The following CDH18 variants were observed in gnomAD, a reference collection of about 807,000 sequenced individuals.
CDH18 encodes cadherin-18.
In CDH18, 31 loss-of-function variants were observed where a neutral mutation model predicts 67.9. That is an observed-to-expected ratio of 0.46 (90% CI 0.34 to 0.62). The LOEUF (loss-of-function observed/expected upper bound fraction) is 0.62. Among genes scored for constraint, CDH18 ranks in the 20% least tolerant of loss-of-function variants. The pLI, the probability that CDH18 is intolerant of heterozygous loss-of-function variation, is 0.01. For synonymous variants in CDH18, 362 were observed against 347.2 expected (o/e 1.04, Z -0.48); for missense variants, 890 against 975.5 (o/e 0.91, Z 1.17).
intron 1 of CDH18, among the ~76,000 whole-genome samples, chr5:20,341,308 C>T (rs1003409608): frequency 5.9e-5 from 9 of 151,962 alleles, no homozygotes; most frequent in African/African-American, 2.2e-4. Context: ...GGTGGAAAAA[C>T]GTAAAGAGAT....
At chr5:20,085,017 G>T (rs1308647455) in intron 2 of CDH18, among the ~76,000 whole-genome samples, 3 of 152,206 alleles carry the variant, frequency 2.0e-5, no homozygotes, top group Non-Finnish European at 4.4e-5. Context: ...AATTTCTGCA[G>T]CTGGCTTGAG....
chr5:20,457,973 T>C (rs531076102), intron 1 of CDH18, among the ~76,000 whole-genome samples: 1 of 152,176 alleles, frequency 6.6e-6, no homozygotes, highest in Non-Finnish European at 1.5e-5. Context: ...TCCCATTCAG[T>C]TGACTAAGAA....
At chr5:19,483,267 C>T (rs1167508434) in intron 12 of CDH18, 34 bp downstream of exon 12, 1 of 1,578,274 alleles carries the variant, frequency 6.3e-7, no homozygotes, top group Non-Finnish European at 8.6e-7. Context: ...TTCAGAATTG[C>T]CATCATGCAA....
chr5:19,714,532 A>G (rs1172588736), intron 5 of CDH18, among the ~76,000 whole-genome samples: 1 of 151,376 alleles, frequency 6.6e-6, no homozygotes, highest in Non-Finnish European at 1.5e-5. Flanking sequence ...TTTTTCAGTA[A>G]ATGGAACCTA....
intron 2 of CDH18, among the ~76,000 whole-genome samples, chr5:19,941,486 T>C (rs2150232535): frequency 6.6e-6 from 1 of 152,090 alleles, no homozygotes. Context: ...AATTATGTTT[T>C]AAGAACTTCC....
At chr5:20,137,648 C>A (rs1464889281) in intron 2 of CDH18, among the ~76,000 whole-genome samples, 1 of 152,050 alleles carries the variant, frequency 6.6e-6, no homozygotes. Flanking sequence ...CTGCATTCCT[C>A]TGGAGGAGAA....
intron 2 of CDH18, among the ~76,000 whole-genome samples, chr5:20,139,780 A>C (rs1750076514): frequency 1.3e-5 from 2 of 152,194 alleles, no homozygotes; most frequent in African/African-American, 2.4e-5. Flanking sequence ...ACCATCTCAC[A>C]CCAGTTAGAA....
chr5:19,921,363 C>T (rs569689215), intron 2 of CDH18, among the ~76,000 whole-genome samples: 1 of 152,052 alleles, frequency 6.6e-6, no homozygotes, highest in African/African-American at 2.4e-5. Context: ...AACCCTGTCT[C>T]TACTAAAAAT....
At chr5:19,769,816 G>T (rs1361310480) in intron 3 of CDH18, among the ~76,000 whole-genome samples, 1 of 150,874 alleles carries the variant, frequency 6.6e-6, no homozygotes, top group Non-Finnish European at 1.5e-5. Context: ...TCACAGAGTG[G>T]GAGACAGTAT....
chr5:20,451,470 G>A (rs1184818885), intron 1 of CDH18, among the ~76,000 whole-genome samples: 4 of 152,160 alleles, frequency 2.6e-5, no homozygotes, highest in Non-Finnish European at 4.4e-5. Flanking sequence ...TTTGAAGTAA[G>A]TCTCTTTGGG....
At chr5:19,916,366 C>T (rs766851459) in intron 2 of CDH18, among the ~76,000 whole-genome samples, 13 of 152,122 alleles carry the variant, frequency 8.5e-5, no homozygotes, top group South Asian at 4.1e-4. Flanking sequence ...ACAGGGATTA[C>T]GCCCTCTTCT....
At chr5:20,479,064 C>A (rs1038623842) in intron 1 of CDH18, among the ~76,000 whole-genome samples, 1 of 152,122 alleles carries the variant, frequency 6.6e-6, no homozygotes, top group Non-Finnish European at 1.5e-5. Flanking sequence ...CTCCCCAAAC[C>A]ATATATGGCT....
chr5:20,256,370 C>T (rs1744233520), intron 1 of CDH18, among the ~76,000 whole-genome samples: 1 of 151,960 alleles, frequency 6.6e-6, no homozygotes, highest in South Asian at 2.1e-4. Flanking sequence ...CCTTAGTTGA[C>T]AATGTGATTT....
chr5:19,966,067 T>C (rs115466508), intron 2 of CDH18, among the ~76,000 whole-genome samples: 1,757 of 152,302 alleles, frequency 0.012, 15 homozygotes, highest in Middle Eastern at 0.02. Flanking sequence ...TGTGTGAGTT[T>C]GAACTTCGTA....
At chr5:20,386,408 AT>A (rs1430254264) in intron 1 of CDH18, among the ~76,000 whole-genome samples, 7 of 152,158 alleles carry the variant, frequency 4.6e-5, no homozygotes, top group Admixed American at 6.6e-5. Context: ...TTTCTCAGAA[AT>A]AAGCATGGTC....
At chr5:20,196,745 A>G (rs764561275) in intron 2 of CDH18, among the ~76,000 whole-genome samples, 14 of 152,214 alleles carry the variant, frequency 9.2e-5, no homozygotes, top group Non-Finnish European at 1.5e-4. Context: ...AGATGTAGAT[A>G]GCTACATTCC....
At chr5:20,537,674 A>G (rs1210915525) in intron 1 of CDH18, among the ~76,000 whole-genome samples, 2 of 152,184 alleles carry the variant, frequency 1.3e-5, no homozygotes, top group African/African-American at 4.8e-5. Flanking sequence ...AACACTGAAC[A>G]GCTACAATTT....
At chr5:20,555,891 AT>A (rs1485907735) in intron 1 of CDH18, among the ~76,000 whole-genome samples, 2 of 152,138 alleles carry the variant, frequency 1.3e-5, no homozygotes, top group Non-Finnish European at 2.9e-5. Context: ...CGTATCTCAA[AT>A]TCTAAAATTC....
chr5:19,996,419 TCA>T (rs1256354280), intron 2 of CDH18, among the ~76,000 whole-genome samples: 5 of 152,100 alleles, frequency 3.3e-5, no homozygotes, highest in Non-Finnish European at 4.4e-5. Flanking sequence ...TTAATGAACA[TCA>T]CAGTTTATAA....
Sources: allele counts gnomAD v4.1 joint callset (sites outside exome capture counted in the v4.1 genomes callset), GRCh38; gene constraint gnomAD v4.1.1; transcripts MANE v1.5; gene names NCBI Gene and HGNC (gene_info 2026-07-23, HGNC 2026-07-21).